INSR: variants seen among roughly 807,000 people sequenced by gnomAD.
INSR encodes IR.
A neutral mutation model predicts 142.6 loss-of-function variants in INSR; 67 were observed. That is an observed-to-expected ratio of 0.47 (90% confidence interval 0.39 to 0.58). INSR has a LOEUF of 0.58. Among genes scored for constraint, INSR ranks in the 20% least tolerant of loss-of-function variants. The probability of loss-of-function intolerance (pLI) is 0.00; values close to 1 mark genes in which losing one functional copy is unlikely to be tolerated. For synonymous variants in INSR, 756 were observed against 743.1 expected, an observed-to-expected ratio of 1.02 and a Z score of -0.28; for missense variants, 1,248 against 1,833.2, an observed-to-expected ratio of 0.68 and a Z score of 5.83.
chr19:7,266,132 TC>T (rs1302415243), intron 2 of INSR, among the ~76,000 whole-genome samples: 1 of 152,102 alleles, frequency 6.6e-6, no homozygotes, highest in East Asian at 1.9e-4. Flanking sequence ...ACACGTCAGC[TC>T]CTCCCTCCCG....
chr19:7,293,884 G>A lies in INSR; in HGVS notation c.8C>T (p.Thr3Ile), dbSNP rs1968567916. 1 of 1,232,522 alleles carries A rather than the reference G, an allele frequency of 8.1e-7. No individual in the cohort carries two copies. The highest frequency in any genetic ancestry group is 3.5e-5 in the East Asian group (1 of 28,588). The allele number at this position is 1,232,522 out of a possible 1,614,324, so 76.3% of individuals were successfully genotyped here. A position where few individuals can be genotyped will look rare whatever the true frequency, so the allele number is the denominator to read the frequency against. Residue 3 changes from threonine to isoleucine, a missense_variant, in exon 1 of 22, where the codon ACC (threonine) becomes ATC (isoleucine). By Grantham distance (89) the Thr-to-Ile change is moderately conservative. This residue lies in a region of INSR where 57 missense variants were observed against 49.5 expected (regional missense o/e 1.15). Coordinates refer to ENST00000302850, the MANE Select transcript of INSR (RefSeq NM_000208.4). MA[T>I]GGRRGAAAAP... ...GGCCGCCGCCCCCCGCCGGCCCCCG[G>A]TGGCCATGGCTGCGGGAGCGCGGGG...
intron 1 of INSR, among the ~76,000 whole-genome samples, chr19:7,270,316 TTCTCTC>T (rs371690798): frequency 3.1e-5 from 4 of 128,344 alleles, no homozygotes; most frequent in East Asian, 2.6e-4. Context: ...TATATTTCAT[TTCTCTC>T]TCTCTCTCTC....
intron 9 of INSR, among the ~76,000 whole-genome samples, chr19:7,154,167 AT>A (rs1200023442): frequency 3.9e-5 from 6 of 152,078 alleles, no homozygotes; most frequent in African/African-American, 9.7e-5. Flanking sequence ...TCTCAAAAAA[AT>A]AATAAATAAA....
intron 2 of INSR, among the ~76,000 whole-genome samples, chr19:7,245,646 G>A (rs1976518554): frequency 6.6e-6 from 1 of 151,848 alleles, no homozygotes; most frequent in Non-Finnish European, 1.5e-5. Context: ...GGGTTTCACT[G>A]TGTTGGCCAG....
intron 2 of INSR, among the ~76,000 whole-genome samples, chr19:7,213,914 C>T (rs553580937): frequency 4.6e-5 from 7 of 151,730 alleles, no homozygotes; most frequent in African/African-American, 1.7e-4. Flanking sequence ...CGCTTGAACC[C>T]GGGAGGCAGA....
intron 1 of INSR, among the ~76,000 whole-genome samples, chr19:7,290,791 G>C (rs1279036267): frequency 6.7e-6 from 1 of 149,370 alleles, no homozygotes; most frequent in East Asian, 2.0e-4. Context: ...AAAAAAAAAG[G>C]CCAGGTACGG....
intron 1 of INSR, among the ~76,000 whole-genome samples, chr19:7,286,491 G>A (rs747105348): frequency 2.6e-4 from 39 of 151,942 alleles, no homozygotes; most frequent in Non-Finnish European, 5.4e-4. Flanking sequence ...GGGCTCAAGC[G>A]ATCCTCCCAC....
rs562217255 is a variant in INSR at position 7,155,556 on chromosome 19, A to G, written c.2030-2629T>C. Among the ~76,000 whole-genome samples the G allele has an allele frequency of 1.0e-4, 15 of 148,990 alleles. No homozygotes were observed. The South Asian group carries it at 2.8e-3, about 28-fold the overall frequency. On this transcript the variant is annotated intron_variant, in intron 9 of 21. Transcript: ENST00000302850. ...TCCATCTCTCAAAAAAAAAAAAAAA[A>G]ATCTCTGGAAACCAATATAGCTGGA...
chr19:7,268,368 C>G (rs1452558454), intron 1 of INSR: 29 of 924,144 alleles, frequency 3.1e-5, no homozygotes, highest in Non-Finnish European at 3.5e-5. Flanking sequence ...CTTTCCTTCC[C>G]GGACTGCTCT....
chr19:7,162,567 T>C (rs1416693865), intron 9 of INSR, among the ~76,000 whole-genome samples: 2 of 150,586 alleles, frequency 1.3e-5, no homozygotes, highest in Non-Finnish European at 2.9e-5. Context: ...TCCCAGCACT[T>C]TGGGAGGCCA....
rs555085585 is a variant in INSR at position 7,205,178 on chromosome 19, G to A, written c.653-20541C>T. ...AGATCTGAGCTCCTACGGAGTGTCCGGCACCATCTGAGCTCCAGATACAAG... is the reference window on the plus strand; with the variant it reads ...AGATCTGAGCTCCTACGGAGTGTCCAGCACCATCTGAGCTCCAGATACAAG... On this transcript the variant is annotated intron_variant, in intron 2 of 21. Coordinates refer to ENST00000302850, the MANE Select transcript of INSR (RefSeq NM_000208.4). Among the ~76,000 whole-genome samples the A allele has an allele frequency of 1.8e-4, 27 of 152,278 alleles. No individual in the cohort carries two copies. In the East Asian group the frequency reaches 2.9e-3, roughly 16 times the overall value.
chr19:7,221,848 C>T (rs993592903), intron 2 of INSR, among the ~76,000 whole-genome samples: 2 of 152,058 alleles, frequency 1.3e-5, no homozygotes, highest in Non-Finnish European at 2.9e-5. Flanking sequence ...GTCCACTTAC[C>T]AGGACACAGG....
chr19:7,172,347 A>G lies in INSR; in HGVS notation c.1211T>C (p.Val404Ala). Residue 404 changes from valine (V) to alanine (A), a missense_variant, in exon 5 of 22, where the codon GTG (valine) becomes GCG (alanine). Val to Ala is a moderately conservative substitution (Grantham distance 64). This residue lies in a region of INSR where 1,069 missense variants were observed against 1,654.0 expected (regional missense o/e 0.65). Transcript: ENST00000302850. ...TAACTTCCGGAAGAAGGAAAGTGAC[A>G]CCAGAGCGTAGGATCGGCGGATTTT... Reference protein sequence around the residue: ...YLKIRRSYALVSLSFFRKLRL... With the variant: ...YLKIRRSYALASLSFFRKLRL... 6 of 1,614,170 alleles carry G rather than the reference A, an allele frequency of 3.7e-6. No homozygotes were observed. The highest frequency in any genetic ancestry group is 4.2e-6 in the Non-Finnish European group (5 of 1,180,024).
intron 2 of INSR, among the ~76,000 whole-genome samples, chr19:7,221,657 G>A (rs548829228): frequency 4.0e-5 from 6 of 151,208 alleles, no homozygotes; most frequent in African/African-American, 7.3e-5. Context: ...GCAGTGAGCC[G>A]AGATCACACC....
chr19:7,158,833 T>TTG (rs546422385), intron 9 of INSR, among the ~76,000 whole-genome samples: 3,553 of 152,106 alleles, frequency 0.023, 56 homozygotes, highest in Non-Finnish European at 0.034. Context: ...GCTTATTTAT[T>TTG]TGTGTGTGTG....
At chr19:7,278,656 T>G (rs1165813689) in intron 1 of INSR, among the ~76,000 whole-genome samples, 1 of 150,922 alleles carries the variant, frequency 6.6e-6, no homozygotes, top group Non-Finnish European at 1.5e-5. Flanking sequence ...GTCAGGAGTT[T>G]GAGACCAGCC....
chr19:7,224,958 TGA>T (rs1297440421), intron 2 of INSR, among the ~76,000 whole-genome samples: 1 of 150,164 alleles, frequency 6.7e-6, no homozygotes, highest in South Asian at 2.1e-4. Flanking sequence ...GAAAAGGGGA[TGA>T]GAGAGAGACA....
At chr19:7,157,743 T>C (rs6510952) in intron 9 of INSR, among the ~76,000 whole-genome samples, 147,118 of 151,754 alleles carry the variant, frequency 0.97, 71,360 homozygotes, top group East Asian at 1. Flanking sequence ...CTGCTGCCAC[T>C]CTGCTTGGTG....
In INSR at chr19:7,159,265, A is replaced by G. The variant is rs1034280502; in HGVS notation, c.2029+3767T>C. Among the ~76,000 whole-genome samples the G allele has an allele frequency of 1.3e-5, 2 of 152,038 alleles. No individual in the cohort carries two copies. Among genetic ancestry groups the G allele is most frequent in the African/African-American group, 2.4e-5 (1 of 41,384 alleles). ...TTAAGTGCATTCACAATGTTGTGCA[A>G]TCATCACCACCATCATCTCCGGAAC... On this transcript the variant is annotated intron_variant, in intron 9 of 21. Coordinates refer to ENST00000302850, the MANE Select transcript of INSR (RefSeq NM_000208.4). This position sits in a 1 kb window ranked among gnomAD's most constrained non-coding sequence, Gnocchi z 4.3.
Sources: gnomAD v4.1 joint callset for allele counts (sites outside exome capture counted in the v4.1 genomes callset) on GRCh38, gnomAD v4.1.1 for gene constraint, gnomAD v4.1.1 regional missense constraint, Gnocchi (gnomAD v3.1) non-coding constraint, MANE v1.5 for transcripts, NCBI Gene and HGNC (gene_info 2026-07-23, HGNC 2026-07-21) for gene names.